Variants in DLGAP2 observed in about 807,000 individuals in gnomAD.
DLGAP2 encodes disks large-associated protein 2.
In DLGAP2, 26 loss-of-function variants were observed where a neutral mutation model predicts 100.3. The observed-to-expected ratio is 0.26, with a 90% CI of 0.19 to 0.36. The LOEUF is 0.36. Among genes scored for constraint, DLGAP2 ranks in the 10% least tolerant of loss-of-function variants. The pLI is 1.00. For missense variants in DLGAP2, 1,858 were observed against 1,453.2 expected (o/e 1.28, Z -4.53); for synonymous variants, 886 against 630.1 (o/e 1.41, Z -6.08).
At chr8:1,566,027 A>C in intron 6 of DLGAP2, 133 bp downstream of exon 6, 4 of 611,308 alleles carry the variant, frequency 6.5e-6, no homozygotes, top group Non-Finnish European at 7.7e-6. Context: ...TATTAGACCC[A>C]TGGCTGTCAA....
chr8:968,958 G>A (rs142367268), intron 2 of DLGAP2, among the ~76,000 whole-genome samples: 98 of 152,238 alleles, frequency 6.4e-4, no homozygotes, highest in African/African-American at 2.0e-3. Flanking sequence ...CACAGTTCCC[G>A]CGAACCAATC....
intron 2 of DLGAP2, among the ~76,000 whole-genome samples, chr8:1,173,185 G>T (rs533502238): frequency 4.6e-5 from 7 of 152,296 alleles, no homozygotes; most frequent in Admixed American, 3.9e-4. Context: ...AGCGGTGTCC[G>T]CAGAACAGTG....
At chr8:1,281,019 G>A (rs1469085689) in intron 3 of DLGAP2, among the ~76,000 whole-genome samples, 1 of 152,182 alleles carries the variant, frequency 6.6e-6, no homozygotes, top group Admixed American at 6.5e-5. Flanking sequence ...GTCAAGCAAT[G>A]GTCTTCCTGA....
At chr8:1,452,420 G>A (rs188340444) in intron 3 of DLGAP2, among the ~76,000 whole-genome samples, 37 of 152,364 alleles carry the variant, frequency 2.4e-4, no homozygotes, top group African/African-American at 8.2e-4. Flanking sequence ...CCCCAGCTGG[G>A]GAAGGAGAAT....
chr8:919,755 C>T (rs966882843), intron 2 of DLGAP2, among the ~76,000 whole-genome samples: 70 of 152,134 alleles, frequency 4.6e-4, no homozygotes, highest in African/African-American at 1.7e-3. Flanking sequence ...CCACCACCCG[C>T]CTCTCTTTCC....
intron 2 of DLGAP2, among the ~76,000 whole-genome samples, chr8:1,031,081 G>A (rs746027876): frequency 9.2e-5 from 14 of 152,200 alleles, no homozygotes; most frequent in South Asian, 2.1e-4. Flanking sequence ...CCTGCCTGGC[G>A]TCTGCGGGAG....
chr8:1,027,811 G>A (rs1305155104), intron 2 of DLGAP2, among the ~76,000 whole-genome samples: 1 of 113,102 alleles, frequency 8.8e-6, no homozygotes, highest in Non-Finnish European at 1.8e-5. Flanking sequence ...TCAGGCGCCC[G>A]TTATTCTCCA....
chr8:859,536 T>G (rs1355139995), intron 1 of DLGAP2, among the ~76,000 whole-genome samples: 1 of 152,170 alleles, frequency 6.6e-6, no homozygotes, highest in Non-Finnish European at 1.5e-5. Context: ...TGGCTTAGTT[T>G]ATTTCTACAA....
At chr8:1,103,811 A>T (rs1348616618) in intron 2 of DLGAP2, among the ~76,000 whole-genome samples, 1 of 151,612 alleles carries the variant, frequency 6.6e-6, no homozygotes, top group Non-Finnish European at 1.5e-5. Context: ...GACGGTGATG[A>T]CTGGCAGGTG....
At chr8:1,145,554 C>A (rs1478904470) in intron 2 of DLGAP2, among the ~76,000 whole-genome samples, 1 of 152,186 alleles carries the variant, frequency 6.6e-6, no homozygotes, top group African/African-American at 2.4e-5. Context: ...TAGTTTGAAA[C>A]TCTTACCAAT....
intron 10 of DLGAP2, among the ~76,000 whole-genome samples, chr8:1,671,252 G>A (rs980463688): frequency 2.0e-5 from 3 of 152,206 alleles, no homozygotes; most frequent in African/African-American, 7.2e-5. Flanking sequence ...GCCTGCCCTG[G>A]TTCTGTTCCT....
At chr8:1,233,413 C>T (rs1043979507) in intron 2 of DLGAP2, among the ~76,000 whole-genome samples, 3 of 152,294 alleles carry the variant, frequency 2.0e-5, no homozygotes, top group Middle Eastern at 3.4e-3. Flanking sequence ...AAGGGCGTGC[C>T]TGTCTTAGTA....
rs55964913 is a variant in DLGAP2, at chr8:1,317,005, C to G, written c.106+58122C>G. 5.4e-3 allele frequency among the ~76,000 whole-genome samples: 392 copies of G among 72,382 alleles called. 40 individuals are homozygous for G. Among genetic ancestry groups the G allele is most frequent in the Admixed American group, 6.4e-3 (43 of 6,768 alleles). The allele number at this position is 72,382 out of a possible 152,430, so 47.5% of individuals were successfully genotyped here. A position where few individuals can be genotyped will look rare whatever the true frequency, so the allele number is the denominator to read the frequency against. On this transcript the variant is annotated intron_variant, in intron 3 of 14. Coordinates refer to ENST00000637795, the MANE Select transcript of DLGAP2 (RefSeq NM_001346810.2). ...AGCATCTCTCCAACAGTGGTCTACA[C>G]TCGAGAAACTCGGCAGCTTTTAAAA...
chr8:1,668,764 C>A lies in DLGAP2; in HGVS notation c.2160+86C>A, dbSNP rs2130839160. The A allele has an allele frequency of 4.0e-6, 5 of 1,259,120 alleles. No homozygotes were observed. The East Asian group carries it at 1.3e-4, about 32-fold the overall frequency. 78.0% of individuals were successfully genotyped at this position (1,259,120 alleles called of 1,614,324 possible). ...ATAAGCCAAAACCCAACCAGCGGCC[C>A]TGGGTCCTTAGCACTGACTGTAACC... On this transcript the variant is annotated intron_variant, in intron 9 of 14. Transcript: ENST00000637795.
At chr8:1,157,151 C>G (rs535110972) in intron 2 of DLGAP2, among the ~76,000 whole-genome samples, 3 of 152,044 alleles carry the variant, frequency 2.0e-5, no homozygotes, top group Non-Finnish European at 4.4e-5. Context: ...TACTGGTGAC[C>G]GCGGGGAAAA....
At chr8:1,033,037 C>G (rs1480746335) in intron 2 of DLGAP2, 2 of 152,230 alleles carry the variant, frequency 1.3e-5, no homozygotes, top group African/African-American at 4.8e-5. Context: ...AGTAAATCTG[C>G]AAATGATAGC....
intron 2 of DLGAP2, among the ~76,000 whole-genome samples, chr8:1,245,132 T>C (rs1798876999): frequency 6.6e-6 from 1 of 152,226 alleles, no homozygotes; most frequent in South Asian, 2.1e-4. Context: ...GGAACCTTCA[T>C]ACACGACCTT....
At chr8:1,052,442 T>A (rs73538182) in intron 2 of DLGAP2, among the ~76,000 whole-genome samples, 9,034 of 152,166 alleles carry the variant, frequency 0.059, 871 homozygotes, top group African/African-American at 0.21. Flanking sequence ...ACACTAGGAA[T>A]GGGGAAATTT....
intron 2 of DLGAP2, among the ~76,000 whole-genome samples, chr8:1,105,884 GA>G (rs1168547308): frequency 3.6e-5 from 5 of 138,356 alleles, no homozygotes; most frequent in Admixed American, 7.2e-5. Flanking sequence ...GTTTTCTATT[GA>G]AGGGGGGCCA....
Sources: allele counts gnomAD v4.1 joint callset (sites outside exome capture counted in the v4.1 genomes callset), GRCh38; gene constraint gnomAD v4.1.1; transcripts MANE v1.5; gene names NCBI Gene and HGNC (gene_info 2026-07-23, HGNC 2026-07-21).